STON2: variants seen among roughly 807,000 people sequenced by gnomAD.
The protein encoded by STON2 is stonin-2.
A neutral mutation model predicts 65.7 loss-of-function variants in STON2; 29 were observed. That is an observed-to-expected ratio of 0.44 (90% CI 0.33 to 0.60). The LOEUF (loss-of-function observed/expected upper bound fraction) is 0.60, where lower values mean the gene tolerates loss of function less well. Ranked by LOEUF, STON2 falls within the 20% of genes least tolerant of loss-of-function variation. The pLI is 0.03. For missense variants in STON2, 1,054 were observed against 1,118.1 expected (o/e 0.94, Z 0.82); for synonymous variants, 404 against 414.2 (o/e 0.98, Z 0.30).
At position 81,291,678 on chromosome 14, in the gene STON2, A is replaced by C. The variant is rs917427402; in HGVS notation, c.743-12939T>G. On this transcript the variant is annotated intron_variant, in intron 5 of 7. Coordinates refer to ENST00000614646, the MANE Select transcript of STON2 (RefSeq NM_001394390.1). ...TATGTTTATTAGTTTATTAGAATAA[A>C]CTAATAAATTTATTAGTTTTAGTTT... 3.3e-4 allele frequency among the ~76,000 whole-genome samples: 50 copies of C among 152,014 alleles called. 1 individual carries two copies. Among genetic ancestry groups the C allele is most frequent in the Non-Finnish European group, 1.2e-4 (8 of 68,000 alleles).
At chr14:81,409,729 T>C (rs2139853908) in intron 2 of STON2, among the ~76,000 whole-genome samples, 1 of 152,158 alleles carries the variant, frequency 6.6e-6, no homozygotes, top group African/African-American at 2.4e-5. Flanking sequence ...CTCTATAAAT[T>C]CTGCACTCTT....
At chr14:81,418,668 G>A (rs1055998263) in intron 2 of STON2, among the ~76,000 whole-genome samples, 1 of 152,186 alleles carries the variant, frequency 6.6e-6, no homozygotes, top group Admixed American at 6.5e-5. Context: ...CTCAGGTAAG[G>A]GGCAAGAGGC....
intron 1 of STON2, among the ~76,000 whole-genome samples, chr14:81,428,952 G>A (rs746608705): frequency 8.6e-5 from 13 of 152,038 alleles, no homozygotes; most frequent in African/African-American, 1.2e-4. Context: ...TCTACTTCTC[G>A]GCATTTGGCA....
chr14:81,414,703 T>A (rs964266820), intron 2 of STON2, among the ~76,000 whole-genome samples: 4 of 151,722 alleles, frequency 2.6e-5, no homozygotes, highest in African/African-American at 9.7e-5. Flanking sequence ...ACTCTGCCAC[T>A]CGGGGAGGAG....
intron 5 of STON2, among the ~76,000 whole-genome samples, chr14:81,310,422 G>A (rs1254070754): frequency 6.6e-6 from 1 of 152,116 alleles, no homozygotes; most frequent in Admixed American, 6.5e-5. Context: ...AGACAAACTA[G>A]AGGTGCAGAT....
Position 81,398,452 on chromosome 14 carries a change from C to G in STON2, c.-70G>C, listed in dbSNP as rs771805116. ...ACCCCAGAATACTGTCTGGGGTGGG[C>G]TGGAGTAGGGGTATGGTAGTACGGT... On this transcript the variant is annotated 5_prime_UTR_variant, in exon 2 of 8. Transcript: ENST00000614646. 4 of 1,297,522 alleles carry G rather than the reference C, an allele frequency of 3.1e-6. No homozygotes were observed. The South Asian group carries it at 3.6e-5, about 12-fold the overall frequency. 80.4% of individuals were successfully genotyped at this position (1,297,522 alleles called of 1,614,324 possible).
At chr14:81,297,759 C>A in intron 5 of STON2, among the ~76,000 whole-genome samples, 1 of 152,256 alleles carries the variant, frequency 6.6e-6, no homozygotes. Context: ...AACTGGCCAG[C>A]TGGGCACAGT....
chr14:81,288,171 T>C (rs142405167), intron 5 of STON2, among the ~76,000 whole-genome samples: 4 of 152,340 alleles, frequency 2.6e-5, no homozygotes, highest in Admixed American at 6.5e-5. Flanking sequence ...TATATTGCCA[T>C]AGCAAAAAGC....
Position 81,264,665 on chromosome 14 carries a change from T to C in STON2, c.*3749A>G, listed in dbSNP as rs1595259268. 2.0e-6 allele frequency: 2 copies of C among 985,006 alleles called. No individual in the cohort carries two copies. The highest frequency in any genetic ancestry group is 3.5e-5 in the African/African-American group (2 of 57,224). 61.0% of individuals were successfully genotyped at this position (985,006 alleles called of 1,614,324 possible). On this transcript the variant is annotated 3_prime_UTR_variant, in exon 8 of 8. Coordinates refer to ENST00000614646, the MANE Select transcript of STON2 (RefSeq NM_001394390.1). ...TCAGTCTCATTTCAAATAAAAAATATTTTAAATCAAACAATGTTCTCAAGG... is the reference window on the plus strand; with the variant it reads ...TCAGTCTCATTTCAAATAAAAAATACTTTAAATCAAACAATGTTCTCAAGG...
chr14:81,350,338 G>A (rs1897976731), intron 4 of STON2, among the ~76,000 whole-genome samples: 1 of 152,094 alleles, frequency 6.6e-6, no homozygotes, highest in Admixed American at 6.6e-5. Context: ...CAAATACTAT[G>A]CACCAATTAA....
In STON2 at chr14:81,351,230, T is replaced by C. The variant is rs1365255250; in HGVS notation, c.571+19758A>G. Among the ~76,000 whole-genome samples, 4 of 148,262 alleles carry C rather than the reference T, an allele frequency of 2.7e-5. No individual in the cohort carries two copies. The East Asian group carries it at 6.0e-4, about 22-fold the overall frequency. ...GGCAAGGGATAATGCTGATTCAATGTGGCAAAAATGGGAAATGTAGCTTTA... is the reference window on the plus strand; with the variant it reads ...GGCAAGGGATAATGCTGATTCAATGCGGCAAAAATGGGAAATGTAGCTTTA... On this transcript the variant is annotated intron_variant, in intron 4 of 7. Transcript: ENST00000614646.
chr14:81,360,202 T>C (rs1172920854), intron 4 of STON2, among the ~76,000 whole-genome samples: 1 of 152,170 alleles, frequency 6.6e-6, no homozygotes, highest in Admixed American at 6.6e-5. Flanking sequence ...GCTCTTCTTA[T>C]GAGCCAAACA....
intron 2 of STON2, among the ~76,000 whole-genome samples, chr14:81,416,048 T>C (rs1345104951): frequency 1.3e-5 from 2 of 152,106 alleles, no homozygotes; most frequent in Non-Finnish European, 2.9e-5. Context: ...GGAGGATGCC[T>C]AGCATACCCT....
chr14:81,434,535 A>G (rs1344576981), intron 1 of STON2, among the ~76,000 whole-genome samples: 1 of 152,184 alleles, frequency 6.6e-6, no homozygotes, highest in Non-Finnish European at 1.5e-5. Flanking sequence ...TCCTGGCAAA[A>G]GCACAAGAGA....
upstream of STON2, among the ~76,000 whole-genome samples, chr14:81,402,172 T>G (rs563761709): frequency 6.6e-6 from 1 of 152,216 alleles, no homozygotes; most frequent in East Asian, 1.9e-4. Context: ...AGAGAGTGAC[T>G]CAAGAAGTGT....
chr14:81,423,049 A>G (rs905312396), intron 2 of STON2, among the ~76,000 whole-genome samples: 1 of 150,020 alleles, frequency 6.7e-6, no homozygotes, highest in Non-Finnish European at 1.5e-5. Context: ...AAAAAAAAAG[A>G]TTTCTAGATT....
intron 2 of STON2, among the ~76,000 whole-genome samples, chr14:81,420,030 A>T (rs1388335209): frequency 6.6e-6 from 1 of 152,188 alleles, no homozygotes; most frequent in African/African-American, 2.4e-5. Context: ...CCCTTTGGTC[A>T]GAGTTCACAC....
intron 2 of STON2, chr14:81,412,927 G>A: frequency 1.4e-6 from 1 of 720,988 alleles, no homozygotes; most frequent in South Asian, 1.8e-5. Flanking sequence ...CACCTCCCCA[G>A]GAGACCGTTG....
intron 5 of STON2, among the ~76,000 whole-genome samples, chr14:81,306,103 C>T (rs1335962308): frequency 6.7e-6 from 1 of 148,870 alleles, no homozygotes; most frequent in Admixed American, 6.8e-5. Context: ...ATACACTCTC[C>T]TTTTTAATTT....
Sources: allele counts gnomAD v4.1 joint callset (sites outside exome capture counted in the v4.1 genomes callset), GRCh38; gene constraint gnomAD v4.1.1; transcripts MANE v1.5; gene names NCBI Gene and HGNC (gene_info 2026-07-23, HGNC 2026-07-21).